Variants in ASPA observed in about 807,000 individuals in gnomAD.
ASPA encodes the protein ACY-2.
A neutral mutation model predicts 29.6 loss-of-function variants in ASPA; 25 were observed. The observed-to-expected ratio is 0.85, with a 90% CI of 0.62 to 1.18. ASPA has a LOEUF of 1.18. ASPA is among the 50% of genes most tolerant of loss of function. The pLI is 0.00. For missense variants in ASPA, 333 were observed against 385.7 expected (o/e 0.86, Z 1.14); for synonymous variants, 131 against 130.3 (o/e 1.01, Z -0.04).
chr17:3,476,468 T>A (rs2073525233), intron 1 of ASPA, 73 bp downstream of exon 1: 12 of 1,311,596 alleles, frequency 9.1e-6, no homozygotes, highest in Non-Finnish European at 1.2e-5. Flanking sequence ...AGAGAACACA[T>A]ATATGTATAT....
At chr17:3,475,651 A>T (rs1350807834), upstream of ASPA, 1 of 167,832 alleles carries the variant, frequency 6.0e-6, no homozygotes, top group African/African-American at 2.4e-5. Context: ...ATGCCCTCAG[A>T]TCATGAAAAG....
rs1297021622 is a variant in ASPA at position 3,502,021 on chromosome 17, C to T, written c.*2933C>T. ...TGTTATTAAACAGCATTTCATGCTA[C>T]AGAGAAATCTTTCACGAAAGGAAGA... On this transcript the variant is annotated 3_prime_UTR_variant, in exon 6 of 6. Coordinates refer to ENST00000263080, the MANE Select transcript of ASPA (RefSeq NM_000049.4). 1 of 151,986 alleles carries T rather than the reference C, an allele frequency of 6.6e-6. No homozygotes were observed. Among genetic ancestry groups the T allele is most frequent in the Non-Finnish European group, 1.5e-5 (1 of 68,042 alleles). The allele number at this position is 151,986 out of a possible 1,614,324, so 9.4% of individuals were successfully genotyped here. A position where few individuals can be genotyped will look rare whatever the true frequency, so the allele number is the denominator to read the frequency against.
At chr17:3,476,533 C>T (rs2073526496) in intron 1 of ASPA, 138 bp downstream of exon 1, 1 of 834,612 alleles carries the variant, frequency 1.2e-6, no homozygotes, top group Admixed American at 2.0e-5. Flanking sequence ...AGATCACTTT[C>T]ACTTTTAATT....
In ASPA at chr17:3,501,152, G is replaced by T. The variant is rs1404127398; in HGVS notation, c.*2064G>T. 1.3e-5 allele frequency: 2 copies of T among 151,704 alleles called. No individual in the cohort carries two copies. The highest frequency in any genetic ancestry group is 2.9e-5 in the Non-Finnish European group (2 of 67,986). The allele number at this position is 151,704 out of a possible 1,614,324, so 9.4% of individuals were successfully genotyped here. On this transcript the variant is annotated 3_prime_UTR_variant, in exon 6 of 6. Transcript: ENST00000263080. The stretch of plus-strand genomic sequence containing the variant: ...AAATACATTTCAGGCTGGGGGAGGG[G>T]AGAAAAAAGAAAAAAAAGAAAGGAA...
At chr17:3,496,456 A>G (rs2073908650) in intron 5 of ASPA, among the ~76,000 whole-genome samples, 1 of 152,212 alleles carries the variant, frequency 6.6e-6, no homozygotes, top group Admixed American at 6.5e-5. Context: ...TGGAACCTAG[A>G]AGATGAGAAG....
Position 3,501,364 on chromosome 17 carries a change from C to T in ASPA, c.*2276C>T, listed in dbSNP as rs958335164. The T allele has an allele frequency of 2.0e-5, 3 of 152,014 alleles. No individual in the cohort carries two copies. Among genetic ancestry groups the T allele is most frequent in the African/African-American group, 7.3e-5 (3 of 41,318 alleles). 9.4% of individuals were successfully genotyped at this position (152,014 alleles called of 1,614,324 possible). On this transcript the variant is annotated 3_prime_UTR_variant, in exon 6 of 6. Coordinates refer to ENST00000263080, the MANE Select transcript of ASPA (RefSeq NM_000049.4). ...GAGTTTGGAAAAAGTGAATTCCAAC[C>T]CTCTTGGATGACTCTGAGGAATTCG...
chr17:3,483,427 T>C (rs1023281188), intron 2 of ASPA, 72 bp from the exon 3 acceptor site: 12 of 1,304,536 alleles, frequency 9.2e-6, no homozygotes, highest in Non-Finnish European at 1.3e-5. Flanking sequence ...GAAGGTATTA[T>C]TGACTCTGTT....
upstream of ASPA, among the ~76,000 whole-genome samples, chr17:3,474,909 T>C (rs1244422641): frequency 1.3e-5 from 2 of 152,216 alleles, no homozygotes; most frequent in Non-Finnish European, 2.9e-5. Context: ...GCCTAGGTTC[T>C]CCTACATCCC....
chr17:3,490,286 G>A lies in ASPA; in HGVS notation c.634+944G>A, dbSNP rs998734331. Among the ~76,000 whole-genome samples the A allele has an allele frequency of 3.9e-5, 6 of 152,142 alleles. No individual in the cohort carries two copies. The East Asian group carries it at 7.7e-4, about 19-fold the overall frequency. The stretch of plus-strand genomic sequence containing the variant: ...TTAAACGGGGACTGGTGGACAAGGT[G>A]GGTATATGCAGCTCTATGCACTATC... On this transcript the variant is annotated intron_variant, in intron 4 of 5. Coordinates refer to ENST00000263080, the MANE Select transcript of ASPA (RefSeq NM_000049.4). The surrounding 1 kb of genome is among the most constrained non-coding windows in gnomAD (Gnocchi z 4.6).
In ASPA at chr17:3,482,779, T is replaced by A. The variant is rs12951099; in HGVS notation, c.433-720T>A. ...ATAATGTAGCGATTCTTTTTTTTTTTAATTTTTTTTAAATTTTATTACTAT... is the reference window on the plus strand; with the variant it reads ...ATAATGTAGCGATTCTTTTTTTTTTAAATTTTTTTTAAATTTTATTACTAT... On this transcript the variant is annotated intron_variant, in intron 2 of 5. Coordinates refer to ENST00000263080, the MANE Select transcript of ASPA (RefSeq NM_000049.4). Among the ~76,000 whole-genome samples the A allele has an allele frequency of 8.1e-4, 121 of 149,612 alleles. 1 individual carries two copies. The highest frequency in any genetic ancestry group is 1.4e-3 in the Non-Finnish European group (96 of 67,458).
intron 1 of ASPA, among the ~76,000 whole-genome samples, chr17:3,479,780 A>G (rs1374240359): frequency 4.6e-5 from 7 of 152,178 alleles, no homozygotes; most frequent in African/African-American, 1.7e-4. Flanking sequence ...AGCCCATTGT[A>G]CACAGTAGGT....
Position 3,476,231 on chromosome 17 carries a change from G to A in ASPA, c.72G>A (p.Glu24=). The change falls in exon 1 of 6, where the codon GAG becomes GAA. Residue 24 remains glutamate, a synonymous_variant. Coordinates refer to ENST00000263080, the MANE Select transcript of ASPA (RefSeq NM_000049.4). ...VAIFGGTHGN[E]LTGVFLVKHW... ...TCTTTGGAGGAACCCATGGGAATGA[G>A]CTAACCGGAGTATTTCTGGTTAAGC... 1 of 1,614,172 alleles carries A rather than the reference G, an allele frequency of 6.2e-7. No individual in the cohort carries two copies. The highest frequency in any genetic ancestry group is 8.5e-7 in the Non-Finnish European group (1 of 1,180,028).
At chr17:3,478,933 G>A (rs2073580291) in intron 1 of ASPA, among the ~76,000 whole-genome samples, 1 of 151,998 alleles carries the variant, frequency 6.6e-6, no homozygotes, top group East Asian at 1.9e-4. Flanking sequence ...CACAAATCCA[G>A]CCTTCCTCTC....
chr17:3,479,630 T>C (rs1489107138), intron 1 of ASPA, among the ~76,000 whole-genome samples: 2 of 151,928 alleles, frequency 1.3e-5, no homozygotes, highest in East Asian at 1.9e-4. Flanking sequence ...CCTTTCCACC[T>C]TCCCCCTGCA....
chr17:3,486,959 A>T lies in ASPA; in HGVS notation c.527-2276A>T, dbSNP rs115804269. ...CGTTGAATGAATAATAATTACACAA[A>T]TAACTTTCCTAAGTCTCAAATGAGA... On this transcript the variant is annotated intron_variant, in intron 3 of 5. Transcript: ENST00000263080. Among the ~76,000 whole-genome samples, 893 of 152,266 alleles carry T rather than the reference A, an allele frequency of 5.9e-3. 8 individuals are homozygous for T. The highest frequency in any genetic ancestry group is 0.019 in the African/African-American group (799 of 41,550).
intron 5 of ASPA, 104 bp downstream of exon 5, chr17:3,494,563 G>T: frequency 1.1e-6 from 1 of 923,070 alleles, no homozygotes. Flanking sequence ...CCCATTTGAT[G>T]CTCTCATTAG....
In ASPA at chr17:3,502,942, A is replaced by G. The variant is rs2150767652; in HGVS notation, c.*3854A>G. 1 of 152,228 alleles carries G rather than the reference A, an allele frequency of 6.6e-6. No individual in the cohort carries two copies. The highest frequency in any genetic ancestry group is 1.9e-4 in the East Asian group (1 of 5,190). The allele number at this position is 152,228 out of a possible 1,614,324, so 9.4% of individuals were successfully genotyped here. ...GGACACACATAGAAATGTGACCCAC[A>G]GCTATGGTTTGCAAATACAGTCTTT... On this transcript the variant is annotated 3_prime_UTR_variant, in exon 6 of 6. Transcript: ENST00000263080.
chr17:3,491,754 A>AG (rs1567616041), intron 4 of ASPA, among the ~76,000 whole-genome samples: 1 of 151,406 alleles, frequency 6.6e-6, no homozygotes. Flanking sequence ...TCAAAAAAAA[A>AG]AAAGAAAGAA....
intron 4 of ASPA, among the ~76,000 whole-genome samples, chr17:3,494,058 CAGAG>C (rs2073870129): frequency 7.0e-6 from 1 of 143,510 alleles, no homozygotes; most frequent in African/African-American, 2.6e-5. Flanking sequence ...TTTTTTGAGA[CAGAG>C]TTTCACTCTT....
Sources: allele counts gnomAD v4.1 joint callset (sites outside exome capture counted in the v4.1 genomes callset), GRCh38; gene constraint gnomAD v4.1.1; non-coding constraint Gnocchi (gnomAD v3.1); transcripts MANE v1.5; gene names NCBI Gene and HGNC (gene_info 2026-07-23, HGNC 2026-07-21).